DGKI: variants seen among roughly 807,000 people sequenced by gnomAD.
DGKI encodes DAG kinase iota.
A neutral mutation model predicts 147.5 loss-of-function variants in DGKI; 55 were observed. That is an observed-to-expected ratio of 0.37 (90% CI 0.30 to 0.47). The LOEUF (loss-of-function observed/expected upper bound fraction) is 0.47, where lower values mean the gene tolerates loss of function less well. Among genes scored for constraint, DGKI ranks in the 20% least tolerant of loss-of-function variants. The probability of loss-of-function intolerance (pLI) is 1.00; values close to 1 mark genes in which losing one functional copy is unlikely to be tolerated. For missense variants in DGKI, 1,007 were observed against 1,323.8 expected (o/e 0.76, Z 3.71); for synonymous variants, 469 against 477.1 (o/e 0.98, Z 0.22).
At chr7:137,519,176 G>A (rs747214865) in intron 21 of DGKI, among the ~76,000 whole-genome samples, 1 of 152,072 alleles carries the variant, frequency 6.6e-6, no homozygotes, top group Non-Finnish European at 1.5e-5. Context: ...GGGGCTAAGT[G>A]GAAGAGGAAT....
rs992061215 is a variant in DGKI, at chr7:137,415,537, A to G, written c.2762-3330T>C. The stretch of plus-strand genomic sequence containing the variant: ...CAGCTGTATTAGCAATCACAGGTCC[A>G]AGAGAACAAATCAGTTTGGACTTTA... On this transcript the variant is annotated intron_variant, in intron 28 of 32. Coordinates refer to ENST00000614521, the MANE Select transcript of DGKI (RefSeq NM_001321708.2). Among the ~76,000 whole-genome samples, 22 of 152,226 alleles carry G rather than the reference A, an allele frequency of 1.4e-4. 1 individual carries two copies. The highest frequency in any genetic ancestry group is 1.3e-3 in the Admixed American group (20 of 15,286).
intron 23 of DGKI, among the ~76,000 whole-genome samples, chr7:137,479,036 T>C (rs1398042654): frequency 2.0e-5 from 3 of 152,190 alleles, no homozygotes; most frequent in African/African-American, 7.2e-5. Flanking sequence ...AAGCTTTCAA[T>C]GGTAATTTAG....
chr7:137,398,636 T>C (rs766726805), intron 30 of DGKI, among the ~76,000 whole-genome samples: 2 of 152,096 alleles, frequency 1.3e-5, no homozygotes, highest in Admixed American at 6.6e-5. Flanking sequence ...ATGAAAGTCA[T>C]TGGCCAAGGA....
Position 137,761,086 on chromosome 7 carries a change from G to GCAACTCACCTTTTTGGAAAGT in DGKI, c.402-71105_402-71085dup, listed in dbSNP as rs1795843660. Among the ~76,000 whole-genome samples the GCAACTCACCTTTTTGGAAAGT allele has an allele frequency of 3.3e-5, 5 of 152,086 alleles. No individual in the cohort carries two copies. The South Asian group carries it at 1.0e-3, about 32-fold the overall frequency. On this transcript the variant is annotated intron_variant, in intron 1 of 32. Transcript: ENST00000614521. ...GGCCCGTATTACCCTTTGATAACCA[G>GCAACTCACCTTTTTGGAAAGT]CAACTCACCTTTTTGGAAAGTCATC...
At position 137,729,742 on chromosome 7, in the gene DGKI, AG is replaced by A. The variant is rs146609316; in HGVS notation, c.402-39741del. On this transcript the variant is annotated intron_variant, in intron 1 of 32. Coordinates refer to ENST00000614521, the MANE Select transcript of DGKI (RefSeq NM_001321708.2). ...ATGGATATGTTTCAGTTCTTATAAGAGTGAGGTCTGTATCTTACTCTGTCTT... is the reference window on the plus strand; with the variant it reads ...ATGGATATGTTTCAGTTCTTATAAGATGAGGTCTGTATCTTACTCTGTCTT... Among the ~76,000 whole-genome samples the A allele has an allele frequency of 4.4e-3, 665 of 152,184 alleles. 5 individuals are homozygous for A. The highest frequency in any genetic ancestry group is 0.015 in the African/African-American group (643 of 41,522).
At chr7:137,459,430 C>T (rs1432711809) in intron 27 of DGKI, among the ~76,000 whole-genome samples, 1 of 147,598 alleles carries the variant, frequency 6.8e-6, no homozygotes, top group African/African-American at 2.5e-5. Flanking sequence ...TCAGACTTCT[C>T]AGAATTTTGT....
At chr7:137,482,259 C>T (rs926156152) in intron 23 of DGKI, among the ~76,000 whole-genome samples, 10 of 151,878 alleles carry the variant, frequency 6.6e-5, no homozygotes, top group South Asian at 2.1e-4. Context: ...TCTTGGCTTT[C>T]GTGATACCAC....
At chr7:137,476,405 T>G (rs1359437305) in intron 23 of DGKI, among the ~76,000 whole-genome samples, 1 of 152,250 alleles carries the variant, frequency 6.6e-6, no homozygotes, top group Non-Finnish European at 1.5e-5. Flanking sequence ...TAATGGTGGC[T>G]ATAGATTAAA....
At chr7:137,547,766 G>GT (rs540686786) in intron 20 of DGKI, among the ~76,000 whole-genome samples, 22 of 152,290 alleles carry the variant, frequency 1.4e-4, no homozygotes, top group African/African-American at 4.8e-4. Context: ...AGTAAGTGGT[G>GT]TAATGGAAAT....
intron 27 of DGKI, among the ~76,000 whole-genome samples, chr7:137,449,635 G>A (rs979637922): frequency 9.2e-5 from 14 of 152,064 alleles, no homozygotes; most frequent in East Asian, 3.9e-4. Flanking sequence ...AGAGAAATGC[G>A]ATTACCTCAA....
intron 1 of DGKI, among the ~76,000 whole-genome samples, chr7:137,797,757 AT>A (rs1235014311): frequency 6.6e-6 from 1 of 152,096 alleles, no homozygotes; most frequent in African/African-American, 2.4e-5. Context: ...TGGAGAAAAA[AT>A]ATAAAGAAAG....
rs756057426 is a variant in DGKI at position 137,745,781 on chromosome 7, G to GA, written c.402-55780dup. Among the ~76,000 whole-genome samples the GA allele has an allele frequency of 5.8e-4, 87 of 150,684 alleles. 1 individual carries two copies. Among genetic ancestry groups the GA allele is most frequent in the East Asian group, 4.9e-3 (25 of 5,148 alleles). On this transcript the variant is annotated intron_variant, in intron 1 of 32. Transcript: ENST00000614521. ...GAGAGTTCTCAGCTTAAAAAGGATA[G>GA]AAAAAAAAACATATGCTGAGGTTAC...
intron 1 of DGKI, among the ~76,000 whole-genome samples, chr7:137,733,674 AACAG>A (rs1452787746): frequency 6.6e-6 from 1 of 152,132 alleles, no homozygotes; most frequent in African/African-American, 2.4e-5. Flanking sequence ...TGGTGGAAGA[AACAG>A]ACAATGAACA....
chr7:137,664,408 AAAG>A (rs1462085264), intron 3 of DGKI, among the ~76,000 whole-genome samples: 1 of 151,382 alleles, frequency 6.6e-6, no homozygotes, highest in Admixed American at 6.6e-5. Flanking sequence ...AGAAAGAAAG[AAAG>A]AAAAAAAAGG....
intron 28 of DGKI, among the ~76,000 whole-genome samples, chr7:137,434,472 T>C (rs1813205963): frequency 6.6e-6 from 1 of 151,952 alleles, no homozygotes; most frequent in Admixed American, 6.6e-5. Flanking sequence ...TCCCAGCTAC[T>C]CGGAAGGCTG....
intron 1 of DGKI, among the ~76,000 whole-genome samples, chr7:137,774,442 T>A (rs916066830): frequency 1.3e-5 from 2 of 152,172 alleles, no homozygotes; most frequent in Non-Finnish European, 2.9e-5. Flanking sequence ...TTTTCCCTAC[T>A]GTAAAAAAAA....
intron 24 of DGKI, 128 bp from the exon 25 acceptor site, chr7:137,467,070 CT>C: frequency 1.2e-6 from 1 of 826,890 alleles, no homozygotes; most frequent in East Asian, 2.7e-5. Flanking sequence ...TGGCCAGTCC[CT>C]AAATCTATTA....
At chr7:137,816,887 G>C (rs1797752591) in intron 1 of DGKI, among the ~76,000 whole-genome samples, 1 of 152,172 alleles carries the variant, frequency 6.6e-6, no homozygotes, top group Non-Finnish European at 1.5e-5. Context: ...CTTTGGACCA[G>C]AGAGTTCTTT....
rs1794633661 is a variant in DGKI at position 137,723,703 on chromosome 7, T to C, written c.402-33701A>G. Among the ~76,000 whole-genome samples, 4 of 88,324 alleles carry C rather than the reference T, an allele frequency of 4.5e-5. No individual in the cohort carries two copies. In the African/African-American group the frequency reaches 5.0e-4, roughly 11 times the overall value. The allele number at this position is 88,324 out of a possible 152,430, so 57.9% of individuals were successfully genotyped here. A position where few individuals can be genotyped will look rare whatever the true frequency, so the allele number is the denominator to read the frequency against. ...TGATAAGGTATCATGATATCCCTTT[T>C]TTTTTTTTTTTTTTTTTTTTTTTTG... On this transcript the variant is annotated intron_variant, in intron 1 of 32. Coordinates refer to ENST00000614521, the MANE Select transcript of DGKI (RefSeq NM_001321708.2).
Sources: gnomAD v4.1 joint callset for allele counts (sites outside exome capture counted in the v4.1 genomes callset) on GRCh38, gnomAD v4.1.1 for gene constraint, MANE v1.5 for transcripts, NCBI Gene and HGNC (gene_info 2026-07-23, HGNC 2026-07-21) for gene names.